Variants in CCDC192 observed in about 807,000 individuals in gnomAD.
The protein encoded by CCDC192 is coiled-coil domain-containing protein 192.
At chr5:127,846,767 G>T (rs560561147) in intron 5 of CCDC192, among the ~76,000 whole-genome samples, 1 of 135,924 alleles carries the variant, frequency 7.4e-6, no homozygotes, top group Non-Finnish European at 1.5e-5. Flanking sequence ...ACCGCGCTTG[G>T]CCATAGTGCC....
chr5:127,847,848 A>C (rs191987057), intron 5 of CCDC192, among the ~76,000 whole-genome samples: 9 of 151,422 alleles, frequency 5.9e-5, no homozygotes, highest in South Asian at 4.2e-4. Flanking sequence ...TAAATAAATA[A>C]ATAAATACAT....
intron 3 of CCDC192, among the ~76,000 whole-genome samples, chr5:127,757,786 A>ACACACG (rs1267502061): frequency 5.1e-4 from 49 of 95,688 alleles, no homozygotes; most frequent in African/African-American, 1.9e-3. Context: ...ACACACACAC[A>ACACACG]CACACACACA....
chr5:127,824,432 ATG>A (rs1026816103), intron 5 of CCDC192, among the ~76,000 whole-genome samples: 2 of 152,178 alleles, frequency 1.3e-5, no homozygotes, highest in Non-Finnish European at 2.9e-5. Context: ...CTGTGAAATA[ATG>A]TGGAAAAATT....
chr5:127,774,438 A>G (rs991881607), intron 3 of CCDC192, among the ~76,000 whole-genome samples: 2 of 152,220 alleles, frequency 1.3e-5, no homozygotes, highest in Non-Finnish European at 2.9e-5. Flanking sequence ...TTATGAAGTA[A>G]CATAGGGGTC....
chr5:127,891,216 C>G lies in CCDC192; in HGVS notation c.535+15555C>G, dbSNP rs781537964. Among the ~76,000 whole-genome samples the G allele has an allele frequency of 5.4e-4, 69 of 127,824 alleles. 1 individual carries two copies. The highest frequency in any genetic ancestry group is 1.7e-3 in the African/African-American group (61 of 35,426). The allele number at this position is 127,824 out of a possible 152,430, so 83.9% of individuals were successfully genotyped here. The stretch of plus-strand genomic sequence containing the variant: ...TACAGGTGCCTGCCACCGCTCCTGG[C>G]TAATTTTTGTATTTTTTAGTAGAGA... On this transcript the variant is annotated intron_variant, in intron 6 of 6. Coordinates refer to ENST00000514853, the MANE Select transcript of CCDC192 (RefSeq NM_001317938.2).
intron 2 of CCDC192, among the ~76,000 whole-genome samples, chr5:127,719,524 T>TACAC: frequency 1.1e-5 from 1 of 88,218 alleles, no homozygotes; most frequent in Non-Finnish European, 2.3e-5. Flanking sequence ...TATATATATA[T>TACAC]ACACACATAC....
At chr5:127,915,850 G>C (rs1452361348) in intron 6 of CCDC192, among the ~76,000 whole-genome samples, 1 of 152,200 alleles carries the variant, frequency 6.6e-6, no homozygotes, top group Non-Finnish European at 1.5e-5. Context: ...GGTCTTACCT[G>C]GAGGTTGATG....
At chr5:127,833,960 T>G (rs1749918381) in intron 5 of CCDC192, among the ~76,000 whole-genome samples, 1 of 152,108 alleles carries the variant, frequency 6.6e-6, no homozygotes, top group African/African-American at 2.4e-5. Flanking sequence ...TGATGAAAGG[T>G]AAGAGAATAT....
upstream of CCDC192, chr5:127,703,322 C>T (rs936202704): frequency 2.5e-6 from 1 of 397,160 alleles, no homozygotes; most frequent in East Asian, 3.6e-5. Context: ...GTCTTTTCCA[C>T]ATCCATTGTG....
intron 5 of CCDC192, among the ~76,000 whole-genome samples, chr5:127,801,030 A>G (rs1449372083): frequency 6.6e-6 from 1 of 152,102 alleles, no homozygotes; most frequent in Admixed American, 6.6e-5. Context: ...ATCAAGCCCT[A>G]TTGAGAGAAG....
chr5:127,870,998 A>C (rs1458224588), intron 5 of CCDC192, among the ~76,000 whole-genome samples: 1 of 152,242 alleles, frequency 6.6e-6, no homozygotes, highest in Non-Finnish European at 1.5e-5. Context: ...TTTGTTATAC[A>C]GGCTCTCTAA....
rs557629057 is a variant in CCDC192, at chr5:127,880,804, A to G, written c.535+5143A>G. Among the ~76,000 whole-genome samples, 9 of 151,734 alleles carry G rather than the reference A, an allele frequency of 5.9e-5. No individual in the cohort carries two copies. The East Asian group carries it at 1.8e-3, about 30-fold the overall frequency. ...AGACCAGCCTGGCTAAAATGGGGAA[A>G]CCCTATCTCTACCAAAAATACAAAA... is the stretch of plus-strand genomic sequence containing the variant. On this transcript the variant is annotated intron_variant, in intron 6 of 6. Coordinates refer to ENST00000514853, the MANE Select transcript of CCDC192 (RefSeq NM_001317938.2).
chr5:127,868,009 CT>C (rs11440985), intron 5 of CCDC192, among the ~76,000 whole-genome samples: 1,410 of 133,396 alleles, frequency 0.011, 15 homozygotes, highest in Middle Eastern at 0.027. Flanking sequence ...TTTTCTTTTT[CT>C]TTTTTTTTTT....
chr5:127,791,973 A>T (rs139979718), intron 3 of CCDC192, among the ~76,000 whole-genome samples: 4 of 152,206 alleles, frequency 2.6e-5, no homozygotes, highest in Non-Finnish European at 5.9e-5. Context: ...AGAATGATGT[A>T]TGAGCAAGTT....
intron 5 of CCDC192, among the ~76,000 whole-genome samples, chr5:127,825,686 A>G (rs1411668740): frequency 6.6e-6 from 1 of 152,240 alleles, no homozygotes; most frequent in Non-Finnish European, 1.5e-5. Context: ...TACATTTTAT[A>G]TACAATCTAT....
At chr5:127,917,383 C>A (rs1753552847) in intron 6 of CCDC192, among the ~76,000 whole-genome samples, 1 of 152,234 alleles carries the variant, frequency 6.6e-6, no homozygotes, top group Admixed American at 6.5e-5. Flanking sequence ...CTTTTCTTTG[C>A]ATTCACAACT....
chr5:127,828,299 T>C (rs1216647722), intron 5 of CCDC192, among the ~76,000 whole-genome samples: 1 of 152,210 alleles, frequency 6.6e-6, no homozygotes, highest in Non-Finnish European at 1.5e-5. Context: ...TCAAGTTCTA[T>C]ATATGTGGTC....
Position 127,766,460 on chromosome 5 carries a change from T to C in CCDC192, c.222+12085T>C, listed in dbSNP as rs1037538877. Reference sequence around the variant, plus strand: ...ACAAAAACCTGTTACCTAATATAAATAAGGGAGCAGTTCTAACCATTTCTA... The same window carrying C: ...ACAAAAACCTGTTACCTAATATAAACAAGGGAGCAGTTCTAACCATTTCTA... On this transcript the variant is annotated intron_variant, in intron 3 of 6. Coordinates refer to ENST00000514853, the MANE Select transcript of CCDC192 (RefSeq NM_001317938.2). 7.9e-5 allele frequency among the ~76,000 whole-genome samples: 12 copies of C among 151,908 alleles called. No homozygotes were observed. The East Asian group carries it at 1.9e-3, about 24-fold the overall frequency.
chr5:127,866,029 AGC>A, intron 5 of CCDC192, among the ~76,000 whole-genome samples: 1 of 152,054 alleles, frequency 6.6e-6, no homozygotes, highest in Admixed American at 6.5e-5. Flanking sequence ...AAGAACAGAG[AGC>A]TTTCAGGGTA....
Sources: gnomAD v4.1 joint callset for allele counts (sites outside exome capture counted in the v4.1 genomes callset) on GRCh38, gnomAD v4.1.1 for gene constraint, MANE v1.5 for transcripts, NCBI Gene and HGNC (gene_info 2026-07-23, HGNC 2026-07-21) for gene names.